The following GRIA2 variants were observed in gnomAD, a reference collection of about 807,000 sequenced individuals.
GRIA2 encodes glutamate ionotropic receptor AMPA type subunit 2, also known as glutamate receptor 2.
A neutral mutation model predicts 97.3 loss-of-function variants in GRIA2; 14 were observed. The observed-to-expected ratio is 0.14, with a 90% CI of 0.10 to 0.23. The LOEUF (loss-of-function observed/expected upper bound fraction) is 0.23, where lower values mean the gene tolerates loss of function less well. Ranked by LOEUF, GRIA2 falls within the 10% of genes least tolerant of loss-of-function variation. The pLI is 1.00. For missense variants in GRIA2, 558 were observed against 1,069.8 expected (o/e 0.52, Z 6.67); for synonymous variants, 412 against 387.8 (o/e 1.06, Z -0.73).
At chr4:157,314,170 C>A (rs1437558360) in intron 4 of GRIA2, among the ~76,000 whole-genome samples, 1 of 152,124 alleles carries the variant, frequency 6.6e-6, no homozygotes, top group Non-Finnish European at 1.5e-5. Context: ...TACACTGTGG[C>A]TGCTAGTGCC....
chr4:157,222,473 G>C (rs1232455156), intron 2 of GRIA2, among the ~76,000 whole-genome samples: 2 of 152,310 alleles, frequency 1.3e-5, no homozygotes, highest in Non-Finnish European at 2.9e-5. Flanking sequence ...GGGTGGCGTG[G>C]GGGTGGGGCG....
At chr4:157,274,321 A>C (rs1441684107) in intron 2 of GRIA2, among the ~76,000 whole-genome samples, 1 of 151,838 alleles carries the variant, frequency 6.6e-6, no homozygotes, top group Non-Finnish European at 1.5e-5. Flanking sequence ...GATAAATAAA[A>C]TATTTTATTT....
chr4:157,350,902 A>G (rs1001450700), intron 12 of GRIA2, among the ~76,000 whole-genome samples: 1 of 137,484 alleles, frequency 7.3e-6, no homozygotes, highest in African/African-American at 2.7e-5. Flanking sequence ...TTTTGCATTC[A>G]CTCCTGTTTA....
At chr4:157,237,433 T>C (rs996748929) in intron 2 of GRIA2, among the ~76,000 whole-genome samples, 13 of 152,038 alleles carry the variant, frequency 8.6e-5, no homozygotes, top group African/African-American at 3.1e-4. Flanking sequence ...TAGCTGGGAC[T>C]ACAGGCACAT....
chr4:157,352,118 T>C (rs1370064675), intron 12 of GRIA2, among the ~76,000 whole-genome samples: 2 of 152,246 alleles, frequency 1.3e-5, no homozygotes, highest in African/African-American at 4.8e-5. Context: ...AAATTATATG[T>C]AGATATTTAC....
rs375157358 is a variant in GRIA2 at position 157,326,858 on chromosome 4, AG to A, written c.882+5260del. Among the ~76,000 whole-genome samples the A allele has an allele frequency of 8.5e-5, 13 of 152,216 alleles. 1 individual carries two copies. The East Asian group carries it at 2.5e-3, about 29-fold the overall frequency. On this transcript the variant is annotated intron_variant, in intron 6 of 15. Transcript: ENST00000264426. ...GAGCAACAGGGAACTACAAGAGGAG[AG>A]TGCTGATCATGGCTTTGATACAGGA...
intron 2 of GRIA2, among the ~76,000 whole-genome samples, chr4:157,233,728 A>C (rs182597143): frequency 9.1e-4 from 138 of 152,192 alleles, no homozygotes; most frequent in African/African-American, 3.2e-3. Flanking sequence ...CCCATGCTCA[A>C]AGCAATGGAG....
At chr4:157,327,777 A>T (rs1734870960) in intron 6 of GRIA2, among the ~76,000 whole-genome samples, 1 of 152,112 alleles carries the variant, frequency 6.6e-6, no homozygotes, top group Non-Finnish European at 1.5e-5. Flanking sequence ...TTATTCAGGA[A>T]ACAACTTCAC....
intron 2 of GRIA2, among the ~76,000 whole-genome samples, chr4:157,272,594 A>C (rs898831588): frequency 6.6e-6 from 1 of 152,122 alleles, no homozygotes; most frequent in African/African-American, 2.4e-5. Flanking sequence ...GAGTTCTACC[A>C]GATTCTCACA....
rs144782153 is a variant in GRIA2, at chr4:157,271,276, G to A, written c.230-32276G>A. ...ATTTAATTCTGACACAGTCTACCCT[G>A]AGATAGCATCAGATCCCAGTGGTTG... On this transcript the variant is annotated intron_variant, in intron 2 of 15. Transcript: ENST00000264426. Among the ~76,000 whole-genome samples the A allele has an allele frequency of 7.6e-4, 116 of 152,084 alleles. 2 individuals carry two copies. The East Asian group carries it at 0.018, about 24-fold the overall frequency.
intron 2 of GRIA2, among the ~76,000 whole-genome samples, chr4:157,237,793 A>G (rs1462904430): frequency 1.3e-5 from 2 of 152,158 alleles, no homozygotes; most frequent in Non-Finnish European, 2.9e-5. Flanking sequence ...CAGATTTTGA[A>G]CATTAACGGA....
intron 5 of GRIA2, among the ~76,000 whole-genome samples, chr4:157,318,003 G>A (rs552359154): frequency 6.6e-6 from 1 of 151,958 alleles, no homozygotes; most frequent in East Asian, 1.9e-4. Flanking sequence ...AATATAGCTT[G>A]ATTATATTTG....
At chr4:157,307,368 T>C (rs147192072) in intron 3 of GRIA2, among the ~76,000 whole-genome samples, 5 of 152,202 alleles carry the variant, frequency 3.3e-5, no homozygotes. Context: ...CATCTTTGTA[T>C]AGCAGCATCT....
At chr4:157,318,764 G>A (rs1028947216) in intron 5 of GRIA2, among the ~76,000 whole-genome samples, 1 of 151,734 alleles carries the variant, frequency 6.6e-6, no homozygotes, top group African/African-American at 2.4e-5. Flanking sequence ...TCTCACCCAA[G>A]AACAAGAAAA....
chr4:157,328,335 A>G (rs1734898971), intron 6 of GRIA2, among the ~76,000 whole-genome samples: 1 of 152,000 alleles, frequency 6.6e-6, no homozygotes, highest in African/African-American at 2.4e-5. Flanking sequence ...CATTGTTAAC[A>G]TTTCAAATTT....
intron 2 of GRIA2, 71 bp downstream of exon 2, chr4:157,221,878 G>C: frequency 7.1e-7 from 1 of 1,402,444 alleles, no homozygotes; most frequent in East Asian, 2.3e-5. Flanking sequence ...GTGTGTGTGC[G>C]TTTCTGGGGT....
At chr4:157,308,052 A>G (rs879643583) in intron 3 of GRIA2, among the ~76,000 whole-genome samples, 7 of 152,242 alleles carry the variant, frequency 4.6e-5, no homozygotes, top group Admixed American at 3.9e-4. Flanking sequence ...GCAGTAAGAC[A>G]TGGTTTGAAT....
intron 6 of GRIA2, among the ~76,000 whole-genome samples, chr4:157,324,365 A>G (rs1734714069): frequency 6.6e-6 from 1 of 152,208 alleles, no homozygotes; most frequent in Admixed American, 6.5e-5. Context: ...AAATAAATGA[A>G]AAATGTATGA....
At chr4:157,297,018 G>T (rs112514976) in intron 2 of GRIA2, among the ~76,000 whole-genome samples, 7 of 152,122 alleles carry the variant, frequency 4.6e-5, no homozygotes, top group Non-Finnish European at 1.5e-5. Flanking sequence ...AATGCTATAC[G>T]TGCTCTTCTC....
Sources: gnomAD v4.1 joint callset for allele counts (sites outside exome capture counted in the v4.1 genomes callset) on GRCh38, gnomAD v4.1.1 for gene constraint, MANE v1.5 for transcripts, NCBI Gene and HGNC (gene_info 2026-07-23, HGNC 2026-07-21) for gene names.